BTN1A1: variants seen among roughly 807,000 people sequenced by gnomAD.
The protein encoded by BTN1A1 is bK14H9.2 (butyrophilin, subfamily 1, member A1).
In BTN1A1, 26 loss-of-function variants were observed where a neutral mutation model predicts 33.1. The observed-to-expected ratio is 0.79, with a 90% confidence interval of 0.58 to 1.09. The LOEUF is 1.09. BTN1A1 is among the 50% of genes least tolerant of loss of function. The probability of loss-of-function intolerance (pLI) is 0.00; values close to 1 mark genes in which losing one functional copy is unlikely to be tolerated. For missense variants in BTN1A1, 558 were observed against 655.7 expected, an observed-to-expected ratio of 0.85 and a Z score of 1.63; for synonymous variants, 235 against 256.2, an observed-to-expected ratio of 0.92 and a Z score of 0.79.
chr6:26,500,752 T>C (rs144177621), intron 1 of BTN1A1, among the ~76,000 whole-genome samples: 66 of 152,068 alleles, frequency 4.3e-4, no homozygotes, highest in Non-Finnish European at 7.4e-4. Flanking sequence ...CCGTCTCTAC[T>C]GAAAATACAA....
In BTN1A1 at chr6:26,501,496, A is replaced by G; in HGVS notation, c.80-94A>G. 1 of 1,584,546 alleles carries G rather than the reference A, an allele frequency of 6.3e-7. No homozygotes were observed. The highest frequency in any genetic ancestry group is 8.6e-7 in the Non-Finnish European group (1 of 1,157,896). Reference sequence around the variant, plus strand: ...AACTCAGCTGTCAAAGGAGTAAGAGAGCGCGGGGCACTGCGCTTTGGCGGG... The same window carrying G: ...AACTCAGCTGTCAAAGGAGTAAGAGGGCGCGGGGCACTGCGCTTTGGCGGG... On this transcript the variant is annotated intron_variant, in intron 2 of 7. Coordinates refer to ENST00000684113, the MANE Select transcript of BTN1A1 (RefSeq NM_001732.3). This position sits in a 1 kb window ranked among gnomAD's most constrained non-coding sequence, Gnocchi z 5.2.
chr6:26,504,377 T>C (rs1429252733), intron 3 of BTN1A1, among the ~76,000 whole-genome samples: 1 of 151,896 alleles, frequency 6.6e-6, no homozygotes, highest in Non-Finnish European at 1.5e-5. Context: ...CACCCCCAAG[T>C]CTGCCCACCA....
intron 3 of BTN1A1, among the ~76,000 whole-genome samples, chr6:26,502,488 C>T (rs948443974): frequency 6.6e-6 from 1 of 151,638 alleles, no homozygotes; most frequent in African/African-American, 2.4e-5. Flanking sequence ...AGTAGGAAAT[C>T]AGTGAGAAAG....
rs1400789097 is a variant in BTN1A1, at chr6:26,508,748, C to A, written c.1155C>A (p.Asp385Glu). The change falls in exon 8 of 8, where the codon GAC (aspartate) becomes GAA (glutamate). Residue 385 changes from aspartate (D) to glutamate (E), a missense_variant. Asp to Glu is a conservative substitution (Grantham distance 45). Coordinates refer to ENST00000684113, the MANE Select transcript of BTN1A1 (RefSeq NM_001732.3). The part of the protein sequence containing the change: ...CRENVMKKGF[D>E]PMTPENGFWA... Reference sequence around the variant, plus strand: ...AGAATGTGATGAAGAAAGGATTTGACCCCATGACTCCTGAGAATGGGTTCT... The same window carrying A: ...AGAATGTGATGAAGAAAGGATTTGAACCCATGACTCCTGAGAATGGGTTCT... 2 of 1,614,094 alleles carry A rather than the reference C, an allele frequency of 1.2e-6. No individual in the cohort carries two copies. Among genetic ancestry groups the A allele is most frequent in the South Asian group, 2.2e-5 (2 of 91,070 alleles).
Position 26,505,020 on chromosome 6 carries a change from G to A in BTN1A1, c.523G>A (p.Val175Met), listed in dbSNP as rs758086985. The stretch of plus-strand genomic sequence containing the variant: ...AGTGGGATGGTACCCAGAGCCCCAG[G>A]TGCAGTGGAGAACTTCCAAGGGAGA... ...TSVGWYPEPQVQWRTSKGEKF... is the reference protein window; with the variant it reads ...TSVGWYPEPQMQWRTSKGEKF... The change falls in exon 4 of 8, where the codon GTG becomes ATG. Residue 175 changes from valine to methionine, a missense_variant. Val to Met is a conservative substitution (Grantham distance 21). Coordinates refer to ENST00000684113, the MANE Select transcript of BTN1A1 (RefSeq NM_001732.3). 4 of 1,614,076 alleles carry A rather than the reference G, an allele frequency of 2.5e-6. No homozygotes were observed. The African/African-American group carries it at 5.3e-5, about 22-fold the overall frequency.
At chr6:26,507,121 T>A (rs528896895) in intron 5 of BTN1A1, among the ~76,000 whole-genome samples, 2 of 152,290 alleles carry the variant, frequency 1.3e-5, no homozygotes, top group African/African-American at 4.8e-5. Flanking sequence ...CTCGGGAGGC[T>A]GAGGCAGGAG....
intron 4 of BTN1A1, among the ~76,000 whole-genome samples, chr6:26,505,846 T>A (rs1410067494): frequency 2.0e-5 from 3 of 151,576 alleles, no homozygotes; most frequent in Non-Finnish European, 2.9e-5. Context: ...TGGCCGGGCG[T>A]GGTGGCTCAC....
In BTN1A1 at chr6:26,505,217, C is replaced by A. The variant is rs760786174; in HGVS notation, c.709+11C>A. The A allele has an allele frequency of 7.5e-6, 12 of 1,609,226 alleles. No individual in the cohort carries two copies. Among genetic ancestry groups the A allele is most frequent in the Non-Finnish European group, 1.0e-5 (12 of 1,176,232 alleles). ...AAATATCCATACCAGGTTAGTGGAA[C>A]CAATGCTGCTGGATTCCTATGTTGA... On this transcript the variant is annotated intron_variant, in intron 4 of 7. Coordinates refer to ENST00000684113, the MANE Select transcript of BTN1A1 (RefSeq NM_001732.3).
In BTN1A1 at chr6:26,507,030, G is replaced by T. The variant is rs180971339; in HGVS notation, c.859+198G>T. Among the ~76,000 whole-genome samples the T allele has an allele frequency of 2.2e-4, 33 of 152,222 alleles. 1 individual carries two copies. The highest frequency in any genetic ancestry group is 2.2e-3 in the Admixed American group (33 of 15,292). On this transcript the variant is annotated intron_variant, in intron 5 of 7. Coordinates refer to ENST00000684113, the MANE Select transcript of BTN1A1 (RefSeq NM_001732.3). ...GAGGTCAGGAGTTCGAGATCAGCCC[G>T]GCCAACATGGCAAAACTCCATCTCG...
In BTN1A1 at chr6:26,503,147, C is replaced by T. The variant is rs558630481; in HGVS notation, c.427+1210C>T. Among the ~76,000 whole-genome samples, 11 of 152,034 alleles carry T rather than the reference C, an allele frequency of 7.2e-5. No homozygotes were observed. In the East Asian group the frequency reaches 1.9e-3, roughly 27 times the overall value. Reference sequence around the variant, plus strand: ...CAAGGTTACAGTAAGCTGATGGTTGCCACTGCACTCCAGCCTGGACAATAG... The same window carrying T: ...CAAGGTTACAGTAAGCTGATGGTTGTCACTGCACTCCAGCCTGGACAATAG... On this transcript the variant is annotated intron_variant, in intron 3 of 7. Coordinates refer to ENST00000684113, the MANE Select transcript of BTN1A1 (RefSeq NM_001732.3).
rs907748382 is a variant in BTN1A1 at position 26,506,063 on chromosome 6, G to A, written c.710-620G>A. Among the ~76,000 whole-genome samples the A allele has an allele frequency of 2.6e-5, 4 of 151,168 alleles. No individual in the cohort carries two copies. In the South Asian group the frequency reaches 8.3e-4, roughly 32 times the overall value. On this transcript the variant is annotated intron_variant, in intron 4 of 7. Transcript: ENST00000684113. ...GAACCCGGGAGGCAGAGCTTGCAGT[G>A]AGCTGAGATTGCGCCACTGAACTCC...
rs79402574 is a variant in BTN1A1 at position 26,507,966 on chromosome 6, A to C, written c.876A>C (p.Glu292Asp). Residue 292 changes from glutamate (E) to aspartate (D), a missense_variant, in exon 6 of 8, where the codon GAA becomes GAC. Glu to Asp is a conservative substitution (Grantham distance 45). Coordinates refer to ENST00000684113, the MANE Select transcript of BTN1A1 (RefSeq NM_001732.3). The stretch of plus-strand genomic sequence containing the variant: ...GTTTTCCAGAGAGACTCCTGGAAGA[A>C]CTCAGTAAGTTCTGTCTTCTTGTTA... ...EFSSKERLLE[E>D]LKWKKATLHA... 2,462 of 1,614,126 alleles carry C rather than the reference A, an allele frequency of 1.5e-3. 47 individuals carry two copies. In the Admixed American group the frequency reaches 0.027, roughly 18 times the overall value.
In BTN1A1 at chr6:26,506,730, A is replaced by C; in HGVS notation, c.757A>C (p.Ile253Leu). 1 of 1,614,060 alleles carries C rather than the reference A, an allele frequency of 6.2e-7. No homozygotes were observed. Among genetic ancestry groups the C allele is most frequent in the Non-Finnish European group, 8.5e-7 (1 of 1,179,998 alleles). ...LTPWIVAVAVILMVLGLLTIG... is the reference protein window; with the variant it reads ...LTPWIVAVAVLLMVLGLLTIG... ...TCCCTGGATAGTGGCTGTGGCTGTC[A>C]TCCTGATGGTTCTAGGACTTCTCAC... The change falls in exon 5 of 8, where the codon ATC becomes CTC. Residue 253 changes from isoleucine (I) to leucine (L), a missense_variant. Ile to Leu is a conservative substitution (Grantham distance 5). Coordinates refer to ENST00000684113, the MANE Select transcript of BTN1A1 (RefSeq NM_001732.3).
At chr6:26,503,543 A>G (rs762024955) in intron 3 of BTN1A1, among the ~76,000 whole-genome samples, 30 of 151,518 alleles carry the variant, frequency 2.0e-4, no homozygotes, top group Admixed American at 5.3e-4. Context: ...AACATTATAG[A>G]CTTATTAGAT....
Position 26,508,075 on chromosome 6 carries a change from A to G in BTN1A1, c.895A>G (p.Thr299Ala), listed in dbSNP as rs965023586. Reference sequence around the variant, plus strand: ...TTTTGTTGCAGAATGGAAAAAGGCTACCTTGCATGCAGGTCAGTGGCTCTG... The same window carrying G: ...TTTTGTTGCAGAATGGAAAAAGGCTGCCTTGCATGCAGGTCAGTGGCTCTG... Reference protein sequence around the residue: ...LLEELKWKKATLHAVDVTLDP... With the variant: ...LLEELKWKKAALHAVDVTLDP... The change falls in exon 7 of 8, where the codon ACC becomes GCC. Residue 299 changes from threonine (T) to alanine (A), a missense_variant. Coordinates refer to ENST00000684113, the MANE Select transcript of BTN1A1 (RefSeq NM_001732.3). The G allele has an allele frequency of 2.5e-6, 4 of 1,612,406 alleles. No homozygotes were observed. The highest frequency in any genetic ancestry group is 3.4e-6 in the Non-Finnish European group (4 of 1,179,474).
intron 3 of BTN1A1, among the ~76,000 whole-genome samples, chr6:26,503,658 T>TTATA (rs374349868): frequency 1.1e-4 from 16 of 147,976 alleles, no homozygotes; most frequent in African/African-American, 3.4e-4. Flanking sequence ...TATGCATATA[T>TTATA]TATATATATA....
chr6:26,502,593 A>C (rs1206115771), intron 3 of BTN1A1, among the ~76,000 whole-genome samples: 1 of 152,208 alleles, frequency 6.6e-6, no homozygotes, highest in Non-Finnish European at 1.5e-5. Flanking sequence ...TAGGGTAAGC[A>C]TTTCTTCATG....
At position 26,505,103 on chromosome 6, in the gene BTN1A1, G is replaced by A; in HGVS notation, c.606G>A (p.Val202=). 6.2e-7 allele frequency: 1 copy of A among 1,614,172 alleles called. No homozygotes were observed. Among genetic ancestry groups the A allele is most frequent in the Non-Finnish European group, 8.5e-7 (1 of 1,180,002 alleles). ...CTGATGAAGAAGGTTTGTTCACTGT[G>A]GCTGCTTCAGTGATCATCAGAGACA... ...RNPDEEGLFT[V]AASVIIRDTS... The change falls in exon 4 of 8, where the codon GTG becomes GTA. Residue 202 remains valine (V), a synonymous_variant. Transcript: ENST00000684113.
chr6:26,501,567 T>C lies in BTN1A1; in HGVS notation c.80-23T>C. On this transcript the variant is annotated intron_variant, in intron 2 of 7. Transcript: ENST00000684113. This position sits in a 1 kb window ranked among gnomAD's most constrained non-coding sequence, Gnocchi z 5.2. The stretch of plus-strand genomic sequence containing the variant: ...GTAGTTCCCATCTCCACATCCCGTC[T>C]GATCCCGCTCGTTTTTCGGCAGCTC... 3 of 1,611,404 alleles carry C rather than the reference T, an allele frequency of 1.9e-6. No individual in the cohort carries two copies. The highest frequency in any genetic ancestry group is 1.7e-6 in the Non-Finnish European group (2 of 1,178,170).
Sources: gnomAD v4.1 joint callset for allele counts (sites outside exome capture counted in the v4.1 genomes callset) on GRCh38, gnomAD v4.1.1 for gene constraint, Gnocchi (gnomAD v3.1) non-coding constraint, MANE v1.5 for transcripts, NCBI Gene and HGNC (gene_info 2026-07-23, HGNC 2026-07-21) for gene names.